ZNF407: variants seen among roughly 807,000 people sequenced by gnomAD.
The protein encoded by ZNF407 is zinc finger protein 407.
ZNF407 carries 17 observed loss-of-function variants against 131.2 expected under a neutral mutation model. The observed-to-expected ratio is 0.13, with a 90% confidence interval of 0.09 to 0.19. The LOEUF is 0.19. Among genes scored for constraint, ZNF407 ranks in the 10% least tolerant of loss-of-function variants. ZNF407 has a pLI of 1.00. For synonymous variants in ZNF407, 1,156 were observed against 1,062.0 expected (o/e 1.09, Z -1.72); for missense variants, 2,681 against 2,830.6 (o/e 0.95, Z 1.20).
chr18:75,026,417 A>G (rs1049617801), intron 8 of ZNF407, among the ~76,000 whole-genome samples: 1 of 152,252 alleles, frequency 6.6e-6, no homozygotes, highest in African/African-American at 2.4e-5. Context: ...TATCCCCTGA[A>G]GAATGTCAAG....
At chr18:74,607,073 C>T (rs1005488384) in intron 1 of ZNF407, among the ~76,000 whole-genome samples, 4 of 152,174 alleles carry the variant, frequency 2.6e-5, no homozygotes, top group Non-Finnish European at 4.4e-5. Context: ...GCAGGTGTTT[C>T]GTCAGTCTCA....
In ZNF407 at chr18:74,794,544, C is replaced by T. The variant is rs545168310; in HGVS notation, c.4877+13042C>T. 9.2e-5 allele frequency among the ~76,000 whole-genome samples: 14 copies of T among 152,046 alleles called. No individual in the cohort carries two copies. The East Asian group carries it at 9.7e-4, about 11-fold the overall frequency. On this transcript the variant is annotated intron_variant, in intron 4 of 8. Transcript: ENST00000299687. ...GCTTACTTTATTTAATTTGTCCTAA[C>T]GCTACGTTGCTTATTGCAGAATAAT... is the stretch of plus-strand genomic sequence containing the variant.
intron 8 of ZNF407, among the ~76,000 whole-genome samples, chr18:75,013,503 T>A (rs1973007955): frequency 1.3e-5 from 2 of 152,134 alleles, no homozygotes; most frequent in Admixed American, 1.3e-4. Context: ...AAAAAACATG[T>A]GGCTTGGTTA....
At chr18:74,941,439 C>G (rs1311186226) in intron 8 of ZNF407, among the ~76,000 whole-genome samples, 1 of 152,134 alleles carries the variant, frequency 6.6e-6, no homozygotes, top group Admixed American at 6.5e-5. Context: ...GTAGCTCCAG[C>G]TTGTAGTAGG....
At chr18:74,646,888 GT>G (rs1984997462) in intron 3 of ZNF407, among the ~76,000 whole-genome samples, 1 of 152,126 alleles carries the variant, frequency 6.6e-6, no homozygotes, top group African/African-American at 2.4e-5. Flanking sequence ...TTATATCCTG[GT>G]TTATTTTTCT....
intron 3 of ZNF407, among the ~76,000 whole-genome samples, chr18:74,730,195 T>C (rs1968262676): frequency 6.6e-6 from 1 of 152,212 alleles, no homozygotes; most frequent in Admixed American, 6.5e-5. Context: ...ATTTTCAGTG[T>C]CTGGGAAGCT....
chr18:74,887,817 A>G (rs564601916), intron 6 of ZNF407, among the ~76,000 whole-genome samples: 10 of 152,270 alleles, frequency 6.6e-5, no homozygotes, highest in Non-Finnish European at 1.2e-4. Context: ...AAAGGGTCTA[A>G]CAGGTAGCAA....
At chr18:74,820,674 A>G (rs1015406326) in intron 4 of ZNF407, among the ~76,000 whole-genome samples, 2 of 152,154 alleles carry the variant, frequency 1.3e-5, no homozygotes, top group African/African-American at 4.8e-5. Context: ...TATAAATTCC[A>G]ATGGCTTTAG....
chr18:74,803,541 G>A (rs1970057625), intron 4 of ZNF407, among the ~76,000 whole-genome samples: 1 of 152,080 alleles, frequency 6.6e-6, no homozygotes. Context: ...TTTAGGAGAG[G>A]AATATTTTCT....
At chr18:74,922,941 G>C (rs1416921988) in intron 8 of ZNF407, among the ~76,000 whole-genome samples, 1 of 152,148 alleles carries the variant, frequency 6.6e-6, no homozygotes, top group Non-Finnish European at 1.5e-5. Context: ...CTGAAGATGG[G>C]GATAGTGATG....
chr18:74,733,919 C>T (rs373972538), intron 3 of ZNF407, among the ~76,000 whole-genome samples: 2 of 152,154 alleles, frequency 1.3e-5, no homozygotes, highest in Non-Finnish European at 2.9e-5. Flanking sequence ...AGCAACTGCT[C>T]GTTGCTCAGT....
chr18:74,934,454 A>G (rs1972016498), intron 8 of ZNF407, among the ~76,000 whole-genome samples: 1 of 152,220 alleles, frequency 6.6e-6, no homozygotes, highest in Non-Finnish European at 1.5e-5. Flanking sequence ...GCTGTCTTAA[A>G]TGGAAACAAC....
intron 4 of ZNF407, among the ~76,000 whole-genome samples, chr18:74,784,604 G>A (rs959833643): frequency 6.6e-6 from 1 of 152,130 alleles, no homozygotes. Flanking sequence ...GTATCCTACA[G>A]TATTTCTGAA....
chr18:74,934,318 G>A (rs1972014944), intron 8 of ZNF407, among the ~76,000 whole-genome samples: 1 of 152,104 alleles, frequency 6.6e-6, no homozygotes, highest in South Asian at 2.1e-4. Flanking sequence ...CTCATTGAGA[G>A]AGTACTTTTA....
chr18:74,673,511 A>T (rs1986234275), intron 3 of ZNF407, among the ~76,000 whole-genome samples: 1 of 152,184 alleles, frequency 6.6e-6, no homozygotes, highest in South Asian at 2.1e-4. Context: ...GAAGAGCAAG[A>T]TCCTTAATTT....
chr18:74,892,907 A>G (rs1242258978), intron 7 of ZNF407, among the ~76,000 whole-genome samples: 3 of 152,166 alleles, frequency 2.0e-5, no homozygotes, highest in Non-Finnish European at 2.9e-5. Context: ...TGGCATTTCT[A>G]GAAGCACGAT....
At chr18:74,881,910 C>G (rs974939714) in intron 6 of ZNF407, among the ~76,000 whole-genome samples, 4 of 152,168 alleles carry the variant, frequency 2.6e-5, no homozygotes, top group Non-Finnish European at 5.9e-5. Flanking sequence ...ACCTCACAAT[C>G]ATGGCGGAAG....
chr18:74,729,550 T>A (rs1452928326), intron 3 of ZNF407, among the ~76,000 whole-genome samples: 1 of 152,150 alleles, frequency 6.6e-6, no homozygotes, highest in Non-Finnish European at 1.5e-5. Context: ...ATTCGTTTAC[T>A]GTGAATTTGT....
chr18:74,876,767 G>A (rs555356281), intron 4 of ZNF407, among the ~76,000 whole-genome samples: 40 of 152,274 alleles, frequency 2.6e-4, no homozygotes, highest in Middle Eastern at 6.8e-3. Context: ...CAAGGCCGCC[G>A]GGTGCATGCA....
Sources: gnomAD v4.1 joint callset for allele counts (sites outside exome capture counted in the v4.1 genomes callset) on GRCh38, gnomAD v4.1.1 for gene constraint, MANE v1.5 for transcripts, NCBI Gene and HGNC (gene_info 2026-07-23, HGNC 2026-07-21) for gene names.